LRRTM4: variants seen among roughly 807,000 people sequenced by gnomAD.
LRRTM4 encodes leucine rich repeat transmembrane neuronal 4.
LRRTM4 carries 25 observed loss-of-function variants against 47.6 expected under a neutral mutation model. The observed-to-expected ratio is 0.53, with a 90% CI of 0.38 to 0.73. LRRTM4 has a LOEUF of 0.73. LRRTM4 is among the 30% of genes least tolerant of loss of function. LRRTM4 has a pLI of 0.00. For missense variants in LRRTM4, 638 were observed against 713.4 expected, an observed-to-expected ratio of 0.89 and a Z score of 1.20; for synonymous variants, 311 against 269.5, an observed-to-expected ratio of 1.15 and a Z score of -1.51.
At chr2:76,837,883 T>C (rs1573191069) in intron 3 of LRRTM4, among the ~76,000 whole-genome samples, 2 of 148,984 alleles carry the variant, frequency 1.3e-5, no homozygotes, top group East Asian at 2.0e-4. Flanking sequence ...GGGAATTGAA[T>C]AATGAGAACA....
chr2:77,361,175 T>C (rs1052698171), intron 3 of LRRTM4, among the ~76,000 whole-genome samples: 2 of 151,902 alleles, frequency 1.3e-5, no homozygotes, highest in Admixed American at 6.6e-5. Flanking sequence ...ATTTCTTTTC[T>C]CAATTCTCAT....
chr2:77,024,196 G>T (rs76969181), intron 3 of LRRTM4, among the ~76,000 whole-genome samples: 3,721 of 152,230 alleles, frequency 0.024, 158 homozygotes, highest in African/African-American at 0.086. Flanking sequence ...ACAACACATG[G>T]TAATTACGGG....
intron 3 of LRRTM4, among the ~76,000 whole-genome samples, chr2:77,445,213 T>C (rs2103938837): frequency 1.3e-5 from 2 of 152,100 alleles, no homozygotes; most frequent in Non-Finnish European, 2.9e-5. Flanking sequence ...ACCCAATCTC[T>C]TTGTGCCTTG....
chr2:77,124,817 A>G (rs2103962817), intron 3 of LRRTM4, among the ~76,000 whole-genome samples: 1 of 152,260 alleles, frequency 6.6e-6, no homozygotes, highest in East Asian at 1.9e-4. Context: ...AGTCCATGAT[A>G]TCCATCTTCT....
chr2:77,434,232 G>A (rs1233026365), intron 3 of LRRTM4, among the ~76,000 whole-genome samples: 1 of 145,196 alleles, frequency 6.9e-6, no homozygotes, highest in African/African-American at 2.5e-5. Context: ...TTTTTTATCA[G>A]ATCCCAGATT....
chr2:76,998,428 A>C (rs1267316691), intron 3 of LRRTM4, among the ~76,000 whole-genome samples: 1 of 152,064 alleles, frequency 6.6e-6, no homozygotes, highest in Non-Finnish European at 1.5e-5. Flanking sequence ...CCCTTCTACT[A>C]TCTATATTAT....
chr2:77,454,526 A>T (rs949826115), intron 3 of LRRTM4, among the ~76,000 whole-genome samples: 1 of 152,192 alleles, frequency 6.6e-6, no homozygotes, highest in Non-Finnish European at 1.5e-5. Context: ...ATAGAAACAA[A>T]TTTACAAATG....
chr2:76,815,185 C>G (rs1007767104), intron 3 of LRRTM4, among the ~76,000 whole-genome samples: 1 of 152,040 alleles, frequency 6.6e-6, no homozygotes, highest in Non-Finnish European at 1.5e-5. Context: ...GTCAGTGACT[C>G]TTCACACAAA....
intron 3 of LRRTM4, among the ~76,000 whole-genome samples, chr2:77,102,245 G>T (rs566458455): frequency 2.0e-5 from 3 of 152,298 alleles, no homozygotes; most frequent in East Asian, 3.9e-4. Flanking sequence ...GTCAGGCCCT[G>T]CTCTTTCCAC....
chr2:76,923,474 G>A (rs1007089983), intron 3 of LRRTM4, among the ~76,000 whole-genome samples: 2 of 151,862 alleles, frequency 1.3e-5, no homozygotes, highest in African/African-American at 2.4e-5. Flanking sequence ...GTGTTAATAC[G>A]CTCATTGCTA....
chr2:76,773,753 G>A (rs750189901), intron 3 of LRRTM4, among the ~76,000 whole-genome samples: 3 of 149,904 alleles, frequency 2.0e-5, no homozygotes, highest in Non-Finnish European at 4.4e-5. Context: ...TTAGGAAGAA[G>A]TAAACAAATA....
intron 3 of LRRTM4, among the ~76,000 whole-genome samples, chr2:77,505,471 A>G (rs1268218543): frequency 1.3e-5 from 2 of 151,500 alleles, no homozygotes; most frequent in Non-Finnish European, 3.0e-5. Flanking sequence ...TGTTGAATAA[A>G]TCAACGAAGT....
chr2:76,927,777 C>G (rs992395735), intron 3 of LRRTM4, among the ~76,000 whole-genome samples: 1 of 152,078 alleles, frequency 6.6e-6, no homozygotes, highest in Non-Finnish European at 1.5e-5. Context: ...TTTAAAAGTA[C>G]TGATCTCTCT....
intron 3 of LRRTM4, among the ~76,000 whole-genome samples, chr2:76,999,832 G>A (rs1677349391): frequency 6.6e-6 from 1 of 152,098 alleles, no homozygotes; most frequent in Non-Finnish European, 1.5e-5. Context: ...ATTATATAAT[G>A]TAGATTCCAA....
intron 3 of LRRTM4, among the ~76,000 whole-genome samples, chr2:77,084,237 C>T (rs2103864433): frequency 6.6e-6 from 1 of 152,324 alleles, no homozygotes; most frequent in East Asian, 1.9e-4. Flanking sequence ...TTTCGCTCAT[C>T]TTCAAGTAGT....
chr2:76,974,149 T>TAC (rs1423040090), intron 3 of LRRTM4, among the ~76,000 whole-genome samples: 1 of 130,086 alleles, frequency 7.7e-6, no homozygotes, highest in African/African-American at 3.3e-5. Context: ...TACATATATA[T>TAC]ACATACATAT....
chr2:76,788,278 AC>A (rs766622848), intron 3 of LRRTM4, among the ~76,000 whole-genome samples: 4 of 152,202 alleles, frequency 2.6e-5, no homozygotes, highest in Non-Finnish European at 5.9e-5. Flanking sequence ...AGAGGGGACA[AC>A]ATCTGAGAGT....
intron 3 of LRRTM4, among the ~76,000 whole-genome samples, chr2:77,108,092 A>C (rs2103927032): frequency 6.6e-6 from 1 of 152,268 alleles, no homozygotes; most frequent in Non-Finnish European, 1.5e-5. Flanking sequence ...GAACCCAGAG[A>C]AATCAAGTGG....
At chr2:77,201,708 A>G (rs1213300538) in intron 3 of LRRTM4, among the ~76,000 whole-genome samples, 4 of 152,148 alleles carry the variant, frequency 2.6e-5, no homozygotes, top group Non-Finnish European at 2.9e-5. Context: ...AAGGGGTAAC[A>G]TTCCATAGCA....
Sources: allele counts gnomAD v4.1 joint callset (sites outside exome capture counted in the v4.1 genomes callset), GRCh38; gene constraint gnomAD v4.1.1; transcripts MANE v1.5; gene names NCBI Gene and HGNC (gene_info 2026-07-23, HGNC 2026-07-21).